Variants in CRPPA observed in about 807,000 individuals in gnomAD.
The protein encoded by CRPPA is D-ribitol-5-phosphate cytidylyltransferase.
In CRPPA, 43 loss-of-function variants were observed where a neutral mutation model predicts 52.0. The ratio of observed to expected loss-of-function variants is 0.83; its 90% CI spans 0.65 to 1.07. The LOEUF is 1.07. CRPPA is among the 50% of genes least tolerant of loss of function. The pLI is 0.00. For synonymous variants in CRPPA, 250 were observed against 203.5 expected, an observed-to-expected ratio of 1.23 and a Z score of -1.94; for missense variants, 629 against 551.7, an observed-to-expected ratio of 1.14 and a Z score of -1.40.
At chr7:16,200,585 CAT>C (rs1781829496) in intron 9 of CRPPA, among the ~76,000 whole-genome samples, 1 of 152,108 alleles carries the variant, frequency 6.6e-6, no homozygotes, top group South Asian at 2.1e-4. Context: ...GATTTTTAGA[CAT>C]ATAATTAATC....
chr7:16,370,328 T>G (rs1268132411), intron 3 of CRPPA, among the ~76,000 whole-genome samples: 1 of 152,198 alleles, frequency 6.6e-6, no homozygotes, highest in Admixed American at 6.5e-5. Context: ...CCATAGTTGC[T>G]ATTTCTGCAG....
chr7:16,197,603 A>C (rs957025729), intron 9 of CRPPA, among the ~76,000 whole-genome samples: 1 of 151,852 alleles, frequency 6.6e-6, no homozygotes, highest in Non-Finnish European at 1.5e-5. Context: ...TCTGCCTCTG[A>C]AAATGCTAAG....
At chr7:16,331,221 G>C (rs181468862) in intron 3 of CRPPA, among the ~76,000 whole-genome samples, 175 of 152,094 alleles carry the variant, frequency 1.2e-3, no homozygotes, top group African/African-American at 4.0e-3. Context: ...GGATGGTCTC[G>C]ATCTCCTGAC....
At position 16,397,668 on chromosome 7, in the gene CRPPA, G is replaced by A. The variant is rs537960365; in HGVS notation, c.534+8393C>T. 4.0e-5 allele frequency among the ~76,000 whole-genome samples: 6 copies of A among 151,880 alleles called. No homozygotes were observed. In the South Asian group the frequency reaches 6.2e-4, roughly 16 times the overall value. On this transcript the variant is annotated intron_variant, in intron 2 of 9. Transcript: ENST00000407010. The stretch of plus-strand genomic sequence containing the variant: ...CACATGACTGACATGTGACTAAGAC[G>A]TCACCGACAAACACGTGACTGACAC...
intron 3 of CRPPA, among the ~76,000 whole-genome samples, chr7:16,340,658 G>A (rs567206845): frequency 2.0e-5 from 3 of 149,136 alleles, no homozygotes; most frequent in Admixed American, 1.3e-4. Flanking sequence ...TTGTTGGCAA[G>A]AATCCAGAAT....
At chr7:16,112,181 G>A (rs1410037494) in intron 9 of CRPPA, among the ~76,000 whole-genome samples, 1 of 152,074 alleles carries the variant, frequency 6.6e-6, no homozygotes, top group Non-Finnish European at 1.5e-5. Flanking sequence ...CAGGTGTGGT[G>A]GCATGTGCCT....
chr7:16,362,756 T>A (rs1368215098), intron 3 of CRPPA, among the ~76,000 whole-genome samples: 1 of 152,196 alleles, frequency 6.6e-6, no homozygotes, highest in Non-Finnish European at 1.5e-5. Context: ...CAGCTTAGAA[T>A]ATACTTACTA....
chr7:16,113,936 T>C (rs1782316802), intron 9 of CRPPA, among the ~76,000 whole-genome samples: 1 of 151,796 alleles, frequency 6.6e-6, no homozygotes, highest in African/African-American at 2.4e-5. Flanking sequence ...AACACAGTAG[T>C]CTCTAGAAAA....
At chr7:16,217,226 G>C (rs766790055) in intron 8 of CRPPA, among the ~76,000 whole-genome samples, 182 of 146,408 alleles carry the variant, frequency 1.2e-3, no homozygotes, top group East Asian at 2.8e-3. Flanking sequence ...CTGCAGCTGA[G>C]GGTCCTGTCT....
intron 5 of CRPPA, among the ~76,000 whole-genome samples, chr7:16,296,785 T>G: frequency 6.6e-6 from 1 of 152,232 alleles, no homozygotes; most frequent in East Asian, 1.9e-4. Flanking sequence ...TTTCTGAGCA[T>G]GTCTAGAAAT....
intron 5 of CRPPA, among the ~76,000 whole-genome samples, chr7:16,297,617 T>C (rs1784701745): frequency 6.6e-6 from 1 of 152,240 alleles, no homozygotes; most frequent in Admixed American, 6.5e-5. Context: ...TTGCAGGCAA[T>C]GCTGAAATCC....
chr7:16,323,450 A>C (rs1785306724), intron 3 of CRPPA, among the ~76,000 whole-genome samples: 1 of 152,168 alleles, frequency 6.6e-6, no homozygotes, highest in African/African-American at 2.4e-5. Flanking sequence ...GAGGCCTTGT[A>C]TGTTTCTATT....
chr7:16,309,615 C>CTT (rs1396614465), intron 3 of CRPPA, among the ~76,000 whole-genome samples: 2 of 149,064 alleles, frequency 1.3e-5, no homozygotes, highest in South Asian at 2.1e-4. Context: ...TTTTTTTCTT[C>CTT]TTTTTTTTTT....
chr7:16,305,593 G>A (rs1341296116), intron 4 of CRPPA, among the ~76,000 whole-genome samples: 1 of 152,096 alleles, frequency 6.6e-6, no homozygotes, highest in Non-Finnish European at 1.5e-5. Flanking sequence ...TGGGCGTGGT[G>A]GTGGTGGGTC....
In CRPPA at chr7:16,091,631, G is replaced by T. The variant is rs1458440482; in HGVS notation, c.*64C>A. On this transcript the variant is annotated 3_prime_UTR_variant, in exon 10 of 10. Coordinates refer to ENST00000407010, the MANE Select transcript of CRPPA (RefSeq NM_001101426.4). ...ACATTCTACCACACACAGCAGCGGGGGCACAAAGCACAATTAAGATACGCA... is the reference window on the plus strand; with the variant it reads ...ACATTCTACCACACACAGCAGCGGGTGCACAAAGCACAATTAAGATACGCA... 5 of 826,158 alleles carry T rather than the reference G, an allele frequency of 6.1e-6. No individual in the cohort carries two copies. Among genetic ancestry groups the T allele is most frequent in the East Asian group, 2.8e-5 (1 of 36,288 alleles). 51.2% of individuals were successfully genotyped at this position (826,158 alleles called of 1,614,324 possible). A position where few individuals can be genotyped will look rare whatever the true frequency, so the allele number is the denominator to read the frequency against.
chr7:16,249,808 C>A (rs1783391778), intron 8 of CRPPA, among the ~76,000 whole-genome samples: 1 of 152,064 alleles, frequency 6.6e-6, no homozygotes, highest in Admixed American at 6.5e-5. Context: ...GTCCAAAAAC[C>A]AGAATGCCTC....
chr7:16,195,919 C>G (rs925305751), intron 9 of CRPPA, among the ~76,000 whole-genome samples: 1 of 152,132 alleles, frequency 6.6e-6, no homozygotes, highest in East Asian at 1.9e-4. Flanking sequence ...GCCAACCCCC[C>G]TTCCCCACAG....
At chr7:16,307,337 T>C (rs1200234257) in intron 4 of CRPPA, among the ~76,000 whole-genome samples, 1 of 152,154 alleles carries the variant, frequency 6.6e-6, no homozygotes, top group Non-Finnish European at 1.5e-5. Context: ...GATAAGAAGC[T>C]GCAGTATGAT....
rs147748738 is a variant in CRPPA, at chr7:16,124,998, G to A, written c.1252-33199C>T. On this transcript the variant is annotated intron_variant, in intron 9 of 9. Transcript: ENST00000407010. ...GAATAGGCCAGGTGCAGTGGCTCAC[G>A]CCTGTAATCCCAGCACTTTGGGAGG... Among the ~76,000 whole-genome samples the A allele has an allele frequency of 8.6e-5, 13 of 152,022 alleles. No individual in the cohort carries two copies. In the East Asian group the frequency reaches 1.7e-3, roughly 20 times the overall value.
Sources: gnomAD v4.1 joint callset for allele counts (sites outside exome capture counted in the v4.1 genomes callset) on GRCh38, gnomAD v4.1.1 for gene constraint, MANE v1.5 for transcripts, NCBI Gene and HGNC (gene_info 2026-07-23, HGNC 2026-07-21) for gene names.